Variants in SLC30A9 observed in about 807,000 individuals in gnomAD.
SLC30A9 encodes the protein solute carrier family 30 member 9, also known as proton-coupled zinc antiporter SLC30A9, mitochondrial.
In SLC30A9, 58 loss-of-function variants were observed where a neutral mutation model predicts 87.5. That is an observed-to-expected ratio of 0.66 (90% confidence interval 0.54 to 0.82). The LOEUF is 0.82. Ranked by LOEUF, SLC30A9 falls within the 40% of genes least tolerant of loss-of-function variation. The pLI is 0.00. For synonymous variants in SLC30A9, 234 were observed against 233.0 expected, an observed-to-expected ratio of 1.00 and a Z score of -0.04; for missense variants, 557 against 679.1, an observed-to-expected ratio of 0.82 and a Z score of 2.00.
At chr4:42,044,322 G>A (rs548926027) in intron 8 of SLC30A9, among the ~76,000 whole-genome samples, 3 of 145,560 alleles carry the variant, frequency 2.1e-5, no homozygotes, top group Non-Finnish European at 3.0e-5. Context: ...CCCATCTGAC[G>A]TGCAAAGACA....
intron 10 of SLC30A9, 59 bp downstream of exon 10, chr4:42,060,305 TA>T: frequency 1.0e-5 from 13 of 1,280,910 alleles, no homozygotes; most frequent in Non-Finnish European, 1.4e-5. Flanking sequence ...TTGAAATAAC[TA>T]AATATCAGAA....
intron 9 of SLC30A9, among the ~76,000 whole-genome samples, chr4:42,051,627 T>C (rs1379624873): frequency 6.6e-6 from 1 of 152,102 alleles, no homozygotes; most frequent in Non-Finnish European, 1.5e-5. Context: ...TGTATAGAAT[T>C]AACAGCACAT....
intron 8 of SLC30A9, among the ~76,000 whole-genome samples, chr4:42,046,780 A>G (rs972627674): frequency 2.3e-4 from 35 of 152,308 alleles, no homozygotes; most frequent in African/African-American, 7.5e-4. Context: ...AGCCAAGATA[A>G]TCCTAAGCAA....
chr4:42,069,011 C>T (rs908200489), intron 14 of SLC30A9, among the ~76,000 whole-genome samples: 3 of 152,164 alleles, frequency 2.0e-5, no homozygotes, highest in African/African-American at 7.2e-5. Flanking sequence ...AATATGAATA[C>T]TTCTTTCTCA....
intron 1 of SLC30A9, among the ~76,000 whole-genome samples, chr4:41,992,015 A>G (rs976154693): frequency 4.6e-5 from 7 of 152,162 alleles, no homozygotes; most frequent in African/African-American, 1.4e-4. Flanking sequence ...TATTGGCAAT[A>G]TACTGCCAGG....
At chr4:42,036,513 G>C (rs1716681148) in intron 7 of SLC30A9, among the ~76,000 whole-genome samples, 1 of 152,120 alleles carries the variant, frequency 6.6e-6, no homozygotes, top group Non-Finnish European at 1.5e-5. Flanking sequence ...GCAGTCTGTG[G>C]CCAAGTTGAC....
At chr4:42,080,952 T>C (rs1193170587) in intron 17 of SLC30A9, among the ~76,000 whole-genome samples, 1 of 152,226 alleles carries the variant, frequency 6.6e-6, no homozygotes, top group Non-Finnish European at 1.5e-5. Context: ...GGGTACACTC[T>C]CAGGCTGATG....
rs535585030 is a variant in SLC30A9 at position 41,996,119 on chromosome 4, G to A, written c.109+5359G>A. Among the ~76,000 whole-genome samples the A allele has an allele frequency of 3.9e-5, 6 of 152,000 alleles. No individual in the cohort carries two copies. The South Asian group carries it at 1.2e-3, about 32-fold the overall frequency. ...TATTTTTTGTGGTTTTTTTTGAGAT[G>A]GAGTTTTGCTCTTGTTTCCCAGGCT... On this transcript the variant is annotated intron_variant, in intron 1 of 17. Coordinates refer to ENST00000264451, the MANE Select transcript of SLC30A9 (RefSeq NM_006345.4).
chr4:41,998,393 A>G (rs1714817157), intron 1 of SLC30A9, among the ~76,000 whole-genome samples: 1 of 152,194 alleles, frequency 6.6e-6, no homozygotes, highest in South Asian at 2.1e-4. Context: ...ACCTTGAAAA[A>G]AGAATATTAA....
intron 15 of SLC30A9, among the ~76,000 whole-genome samples, chr4:42,073,918 A>T (rs1718417994): frequency 3.3e-5 from 5 of 152,124 alleles, no homozygotes; most frequent in Admixed American, 3.3e-4. Flanking sequence ...GGAGCCCTCC[A>T]AACAGTTTTC....
Position 42,018,149 on chromosome 4 carries a change from C to A in SLC30A9, c.313C>A (p.Gln105Lys). The change falls in exon 3 of 18, where the codon CAA becomes AAA. Residue 105 changes from glutamine (Q) to lysine (K), a missense_variant. This residue lies in a region of SLC30A9 where 467 missense variants were observed against 529.8 expected (regional missense o/e 0.88). Coordinates refer to ENST00000264451, the MANE Select transcript of SLC30A9 (RefSeq NM_006345.4). ...IGTELKAPLK[Q>K]EPLQVRVKAV... ...CACAGAACTCAAAGCTCCACTTAAG[C>A]AAGAACCTCTCCAAGTAAGAGGTAA... 2 of 1,566,716 alleles carry A rather than the reference C, an allele frequency of 1.3e-6. No homozygotes were observed. The highest frequency in any genetic ancestry group is 1.8e-6 in the Non-Finnish European group (2 of 1,140,400).
At chr4:42,032,340 G>A (rs369186157) in intron 6 of SLC30A9, among the ~76,000 whole-genome samples, 30 of 152,246 alleles carry the variant, frequency 2.0e-4, no homozygotes, top group East Asian at 7.7e-4. Flanking sequence ...CAATGGTTTC[G>A]TTAGGATTCC....
At chr4:42,075,865 T>A (rs1353566166) in intron 16 of SLC30A9, 79 bp downstream of exon 16, 10 of 1,424,000 alleles carry the variant, frequency 7.0e-6, no homozygotes, top group Non-Finnish European at 9.5e-6. Context: ...AATTTTTTTT[T>A]ATAGATCTTA....
chr4:42,042,211 C>G (rs1034139084), intron 8 of SLC30A9, among the ~76,000 whole-genome samples: 1 of 152,106 alleles, frequency 6.6e-6, no homozygotes, highest in Admixed American at 6.6e-5. Flanking sequence ...TGAGACAGAA[C>G]CTTTTAATCC....
At chr4:42,075,907 CA>C (rs1298216503) in intron 16 of SLC30A9, 121 bp downstream of exon 16, 1 of 856,274 alleles carries the variant, frequency 1.2e-6, no homozygotes, top group Non-Finnish European at 1.8e-6. Context: ...TCTTAGGTTC[CA>C]AAATTTAACA....
At chr4:42,037,320 A>G (rs965354246) in intron 7 of SLC30A9, among the ~76,000 whole-genome samples, 3 of 140,720 alleles carry the variant, frequency 2.1e-5, no homozygotes, top group African/African-American at 8.2e-5. Context: ...TTCTTATCTC[A>G]TGAGAACTCC....
At chr4:42,023,186 C>A in intron 5 of SLC30A9, 116 bp from the exon 6 acceptor site, 2 of 772,430 alleles carry the variant, frequency 2.6e-6, no homozygotes, top group South Asian at 1.8e-5. Context: ...CTTTATGTTT[C>A]TCCAAAAGCA....
chr4:42,026,207 C>G (rs940291511), intron 6 of SLC30A9, among the ~76,000 whole-genome samples: 8 of 152,142 alleles, frequency 5.3e-5, no homozygotes, highest in African/African-American at 1.4e-4. Flanking sequence ...GGAAGAAATA[C>G]ATACTGGGGA....
chr4:42,049,351 T>G (rs374125863), intron 8 of SLC30A9, 26 bp from the exon 9 acceptor site: 1 of 1,498,550 alleles, frequency 6.7e-7, no homozygotes, highest in African/African-American at 1.4e-5. Flanking sequence ...AAACCTATGC[T>G]AAATTGTTTT....
Sources: allele counts gnomAD v4.1 joint callset (sites outside exome capture counted in the v4.1 genomes callset), GRCh38; gene constraint gnomAD v4.1.1; regional missense constraint gnomAD v4.1.1; transcripts MANE v1.5; gene names NCBI Gene and HGNC (gene_info 2026-07-23, HGNC 2026-07-21).